Variants in LRP1B observed in about 807,000 individuals in gnomAD.
LRP1B encodes the protein LDL receptor related protein 1B, also known as low-density lipoprotein receptor-related protein 1B.
Under a neutral mutation model 556.6 loss-of-function variants are expected in LRP1B, and 217 were observed. That is an observed-to-expected ratio of 0.39 (90% CI 0.35 to 0.44). The LOEUF is 0.44. Among genes scored for constraint, LRP1B ranks in the 20% least tolerant of loss-of-function variants. The pLI is 1.00. For synonymous variants in LRP1B, 2,047 were observed against 1,865.8 expected (o/e 1.10, Z -2.50); for missense variants, 5,053 against 5,620.8 (o/e 0.90, Z 3.23).
chr2:142,016,852 A>ATATATACACACACATATATG (rs1553503542), intron 1 of LRP1B, among the ~76,000 whole-genome samples: 2 of 116,460 alleles, frequency 1.7e-5, no homozygotes, highest in Non-Finnish European at 3.8e-5. Flanking sequence ...ATATATGTAT[A>ATATATACACACACATATATG]TATATACACA....
chr2:142,127,564 T>C (rs11695657), intron 1 of LRP1B, among the ~76,000 whole-genome samples: 22,319 of 151,926 alleles, frequency 0.15, 1,805 homozygotes, highest in Middle Eastern at 0.27. Context: ...CAGTTTAAAT[T>C]TGAGCTTGAG....
intron 2 of LRP1B, among the ~76,000 whole-genome samples, chr2:141,689,668 CTAAT>C (rs1466091052): frequency 2.0e-5 from 3 of 151,664 alleles, no homozygotes; most frequent in East Asian, 3.9e-4. Flanking sequence ...TTATCAATGA[CTAAT>C]TAGTGATGGA....
At chr2:141,638,942 C>T (rs1362725174) in intron 2 of LRP1B, among the ~76,000 whole-genome samples, 3 of 47,056 alleles carry the variant, frequency 6.4e-5, no homozygotes, top group African/African-American at 1.4e-4. Context: ...CATACACACA[C>T]GCACATACAC....
intron 66 of LRP1B, among the ~76,000 whole-genome samples, chr2:140,427,913 G>A (rs755823163): frequency 1.1e-3 from 174 of 152,138 alleles, no homozygotes; most frequent in Non-Finnish European, 2.1e-3. Flanking sequence ...GTTTCATGCC[G>A]TGACTAGCCC....
intron 1 of LRP1B, among the ~76,000 whole-genome samples, chr2:141,813,330 G>A (rs531233620): frequency 6.6e-6 from 1 of 152,018 alleles, no homozygotes; most frequent in East Asian, 1.9e-4. Flanking sequence ...TATGGAGGCA[G>A]GTACATTTTA....
chr2:141,332,797 T>A (rs952525187), intron 3 of LRP1B, among the ~76,000 whole-genome samples: 118 of 135,080 alleles, frequency 8.7e-4, no homozygotes, highest in African/African-American at 3.2e-3. Flanking sequence ...GTATTCCATA[T>A]CTGTCTTTTA....
intron 1 of LRP1B, among the ~76,000 whole-genome samples, chr2:142,016,478 C>T (rs1422327254): frequency 3.3e-5 from 5 of 152,066 alleles, no homozygotes; most frequent in Admixed American, 6.6e-5. Context: ...CACATATACA[C>T]AATAGAATAC....
chr2:141,959,488 A>G (rs905777961), intron 1 of LRP1B, among the ~76,000 whole-genome samples: 1 of 151,968 alleles, frequency 6.6e-6, no homozygotes, highest in Non-Finnish European at 1.5e-5. Context: ...TTACTTGAAG[A>G]TCTTTTTACA....
Position 140,233,142 on chromosome 2 carries a change from C to A in LRP1B, c.*44G>T. The A allele has an allele frequency of 2.3e-6, 3 of 1,297,582 alleles. No homozygotes were observed. The highest frequency in any genetic ancestry group is 2.1e-6 in the Non-Finnish European group (2 of 942,706). The allele number at this position is 1,297,582 out of a possible 1,614,324, so 80.4% of individuals were successfully genotyped here. ...ACTGTTGGAACATACAAAAGTAATC[C>A]TTATATTTTATACATTTATACAGCA... On this transcript the variant is annotated 3_prime_UTR_variant, in exon 91 of 91. Transcript: ENST00000389484.
intron 1 of LRP1B, among the ~76,000 whole-genome samples, chr2:141,811,760 CT>C (rs551296938): frequency 3.6e-4 from 55 of 152,172 alleles, no homozygotes; most frequent in Middle Eastern, 3.4e-3. Flanking sequence ...CTTGAGCATA[CT>C]TTGTATTTGG....
intron 1 of LRP1B, among the ~76,000 whole-genome samples, chr2:142,117,113 T>C (rs12472834): frequency 0.65 from 99,427 of 151,882 alleles, 32,815 homozygotes; most frequent in East Asian, 0.71. Flanking sequence ...TTCCCCCAGG[T>C]CCCTGCAGTA....
At position 140,475,944 on chromosome 2, in the gene LRP1B, A is replaced by C. The variant is rs1216698730; in HGVS notation, c.9426-607T>G. On this transcript the variant is annotated intron_variant, in intron 59 of 90. Transcript: ENST00000389484. ...ATATCTAACAGCATAAATATGGAGC[A>C]CTTCCATTATCACAGAAAGTTCTAC... Among the ~76,000 whole-genome samples the C allele has an allele frequency of 2.0e-5, 3 of 152,022 alleles. 1 individual carries two copies. Among genetic ancestry groups the C allele is most frequent in the African/African-American group, 4.8e-5 (2 of 41,440 alleles).
chr2:140,837,542 A>G (rs764626456), intron 31 of LRP1B, among the ~76,000 whole-genome samples: 2 of 152,206 alleles, frequency 1.3e-5, no homozygotes, highest in South Asian at 2.1e-4. Context: ...AAATTTTCAA[A>G]TATAATTACT....
chr2:140,726,220 G>A (rs114363025), intron 35 of LRP1B, among the ~76,000 whole-genome samples: 5,455 of 152,230 alleles, frequency 0.036, 127 homozygotes, highest in Non-Finnish European at 0.053. Context: ...CAGTACTAAA[G>A]AGATTTTCAG....
At chr2:140,433,344 C>T (rs1362106167) in intron 66 of LRP1B, among the ~76,000 whole-genome samples, 2 of 152,052 alleles carry the variant, frequency 1.3e-5, no homozygotes, top group African/African-American at 4.8e-5. Flanking sequence ...GTGATCTGCC[C>T]GCCTCAGCCT....
At chr2:141,544,415 CTCCTCCTT>C (rs1194121204) in intron 2 of LRP1B, among the ~76,000 whole-genome samples, 2 of 84,378 alleles carry the variant, frequency 2.4e-5, no homozygotes, top group Non-Finnish European at 2.9e-5. Flanking sequence ...CCTCCTCCTT[CTCCTCCTT>C]CTCCTCCTTC....
chr2:141,956,622 C>A (rs373948441), intron 1 of LRP1B, among the ~76,000 whole-genome samples: 3 of 150,720 alleles, frequency 2.0e-5, no homozygotes, highest in Non-Finnish European at 4.4e-5. Flanking sequence ...ATGTTTTATG[C>A]TTTTTTTGTA....
intron 47 of LRP1B, among the ~76,000 whole-genome samples, chr2:140,529,583 C>A (rs191401756): frequency 1.0e-3 from 157 of 152,070 alleles, no homozygotes; most frequent in Admixed American, 3.3e-3. Context: ...TATGTTTATC[C>A]TTTTCCTTTA....
At position 140,303,012 on chromosome 2, in the gene LRP1B, CATATATATATATATATATATAT is replaced by C. The variant is rs59878403; in HGVS notation, c.12806-5065_12806-5044del. 8.2e-4 allele frequency among the ~76,000 whole-genome samples: 68 copies of C among 82,836 alleles called. 2 individuals are homozygous for C. In the Middle Eastern group the frequency reaches 0.026, roughly 32 times the overall value. The allele number at this position is 82,836 out of a possible 152,430, so 54.3% of individuals were successfully genotyped here. On this transcript the variant is annotated intron_variant, in intron 83 of 90. Transcript: ENST00000389484. ...ACCAATTCCAATTATAAATCTCCTT[CATATATATATATATATATATAT>C]ATATATATATATATATATGGACATA...
Sources: allele counts gnomAD v4.1 joint callset (sites outside exome capture counted in the v4.1 genomes callset), GRCh38; gene constraint gnomAD v4.1.1; transcripts MANE v1.5; gene names NCBI Gene and HGNC (gene_info 2026-07-23, HGNC 2026-07-21).